The following SPNS1 variants were observed in gnomAD, a reference collection of about 807,000 sequenced individuals.
SPNS1 encodes the protein protein spinster homolog 1.
In SPNS1, 22 loss-of-function variants were observed where a neutral mutation model predicts 50.3. The ratio of observed to expected loss-of-function variants is 0.44; its 90% confidence interval spans 0.31 to 0.62. The LOEUF is 0.62. Ranked by LOEUF, SPNS1 falls within the 20% of genes least tolerant of loss-of-function variation. The pLI is 0.07. For missense variants in SPNS1, 576 were observed against 728.6 expected (o/e 0.79, Z 2.41); for synonymous variants, 295 against 317.4 (o/e 0.93, Z 0.75).
In SPNS1 at chr16:28,975,569, C is replaced by A. The variant is rs1288934732; in HGVS notation, c.307+12C>A. ...GCTCATCCAGACCGGTGAGTGGGGA[C>A]CACTCCTGGTCACACAGCCGCTCCT... On this transcript the variant is annotated intron_variant, in intron 2 of 11. Transcript: ENST00000311008. 1.9e-6 allele frequency: 3 copies of A among 1,613,954 alleles called. No individual in the cohort carries two copies. Among genetic ancestry groups the A allele is most frequent in the African/African-American group, 1.3e-5 (1 of 74,936 alleles).
intron 7 of SPNS1, 130 bp from the exon 8 acceptor site, chr16:28,982,226 A>C (rs1035881192): frequency 1.3e-5 from 18 of 1,356,714 alleles, no homozygotes; most frequent in Non-Finnish European, 1.8e-5. Context: ...GATGTCTGCC[A>C]CTCAGGGCTG....
chr16:28,981,403 C>T lies in SPNS1; in HGVS notation c.664-67C>T. The T allele has an allele frequency of 6.3e-7, 1 of 1,597,542 alleles. No homozygotes were observed. ...AGGCTGGAGTTATCTGTACCCCACA[C>T]TCTCCTCCAGCCCAGGGCTTGAGTG... On this transcript the variant is annotated intron_variant, in intron 5 of 11. Coordinates refer to ENST00000311008, the MANE Select transcript of SPNS1 (RefSeq NM_032038.3). This position sits in a 1 kb window ranked among gnomAD's most constrained non-coding sequence, Gnocchi z 4.2.
rs754200207 is a variant in SPNS1, at chr16:28,979,193, G to A, written c.483G>A (p.Gly161=). 17 of 1,614,148 alleles carry A rather than the reference G, an allele frequency of 1.1e-5. No individual in the cohort carries two copies. The South Asian group carries it at 1.9e-4, about 18-fold the overall frequency. The stretch of plus-strand genomic sequence containing the variant: ...TCCTCCTGACCCGGGGCCTGGTGGG[G>A]GTCGGGGAGGCCAGTTATTCCACCA... The part of the protein sequence containing the change: ...WLLLLTRGLV[G]VGEASYSTIA... Residue 161 remains glycine, a synonymous_variant, in exon 4 of 12, where the codon GGG becomes GGA. Coordinates refer to ENST00000311008, the MANE Select transcript of SPNS1 (RefSeq NM_032038.3).
chr16:28,976,880 TTAAG>T (rs1260911517), intron 2 of SPNS1, among the ~76,000 whole-genome samples: 1 of 152,300 alleles, frequency 6.6e-6, no homozygotes, highest in South Asian at 2.1e-4. Flanking sequence ...AGGCTGTGTG[TTAAG>T]TAAGTGAAAG....
intron 4 of SPNS1, 29 bp downstream of exon 4, chr16:28,979,335 C>T: frequency 6.2e-7 from 1 of 1,613,992 alleles, no homozygotes; most frequent in Non-Finnish European, 8.5e-7. Context: ...TGGGGGAAGG[C>T]AGAAGGGCCT....
intron 2 of SPNS1, among the ~76,000 whole-genome samples, chr16:28,976,940 T>G (rs1368910764): frequency 6.6e-6 from 1 of 152,196 alleles, no homozygotes. Flanking sequence ...CCTTGGGAGC[T>G]GATAGTACGC....
chr16:28,983,778 C>A lies in SPNS1; in HGVS notation c.1321-8C>A. 6.3e-7 allele frequency: 1 copy of A among 1,575,256 alleles called. No homozygotes were observed. Among genetic ancestry groups the A allele is most frequent in the Non-Finnish European group, 8.6e-7 (1 of 1,162,084 alleles). ...CTCCCCTGGCTTTCCTGTCTCCTCT[C>A]CCTGCAGATCTCTGACCGCCTGCGC... is the stretch of plus-strand genomic sequence containing the variant. On this transcript the variant is annotated splice_region_variant and splice_polypyrimidine_tract_variant and intron_variant, in intron 10 of 11. Coordinates refer to ENST00000311008, the MANE Select transcript of SPNS1 (RefSeq NM_032038.3). The surrounding 1 kb of genome is among the most constrained non-coding windows in gnomAD (Gnocchi z 5.4).
Position 28,977,999 on chromosome 16 carries a change from C to A in SPNS1, c.399C>A (p.Ala133=). Residue 133 remains alanine, a synonymous_variant, in exon 3 of 12, where the codon GCC becomes GCA. Coordinates refer to ENST00000311008, the MANE Select transcript of SPNS1 (RefSeq NM_032038.3). ...AGTATCTCATGTGCGGGGGCATTGC[C>A]TTCTGGTCCCTGGTGACACTGGGGT... is the stretch of plus-strand genomic sequence containing the variant. ...NRKYLMCGGI[A]FWSLVTLGSS... The A allele has an allele frequency of 6.2e-7, 1 of 1,613,906 alleles. No individual in the cohort carries two copies. The highest frequency in any genetic ancestry group is 8.5e-7 in the Non-Finnish European group (1 of 1,179,910).
At chr16:28,976,230 C>T (rs1249189114) in intron 2 of SPNS1, among the ~76,000 whole-genome samples, 1 of 152,248 alleles carries the variant, frequency 6.6e-6, no homozygotes, top group East Asian at 1.9e-4. Context: ...CGAGATCGCA[C>T]CACTGCACTC....
chr16:28,979,794 A>G (rs780256645), intron 5 of SPNS1: 28 of 298,586 alleles, frequency 9.4e-5, no homozygotes, highest in Non-Finnish European at 1.8e-4. Context: ...AGGCTGAGGC[A>G]GGTGGATCAC....
Position 28,983,846 on chromosome 16 carries a change from C to A in SPNS1, c.1381C>A (p.Gln461Lys). Residue 461 changes from glutamine to lysine, a missense_variant, in exon 11 of 12, where the codon CAG becomes AAG. By Grantham distance (53) the Gln-to-Lys change is moderately conservative (BLOSUM62 1). Around this residue, in one of 3 missense-constraint regions of SPNS1, gnomAD observed 428 missense variants for 520.1 expected, o/e 0.82. Transcript: ENST00000311008. The surrounding 1 kb of genome is among the most constrained non-coding windows in gnomAD (Gnocchi z 5.4). ...PSFLSEFRAL[Q>K]FSLMLCAFVG... Reference sequence around the variant, plus strand: ...CTTCTTGTCCGAGTTCCGGGCTCTGCAGTTCTCGCTCATGCTCTGCGCGTT... The same window carrying A: ...CTTCTTGTCCGAGTTCCGGGCTCTGAAGTTCTCGCTCATGCTCTGCGCGTT... 13 of 1,604,654 alleles carry A rather than the reference C, an allele frequency of 8.1e-6. No homozygotes were observed. The highest frequency in any genetic ancestry group is 1.1e-5 in the Non-Finnish European group (13 of 1,179,210).
chr16:28,981,541 C>T lies in SPNS1; in HGVS notation c.735C>T (p.Ala245=), dbSNP rs751386561. The change falls in exon 6 of 12, where the codon GCC becomes GCT. Residue 245 remains alanine (A), a synonymous_variant. Coordinates refer to ENST00000311008, the MANE Select transcript of SPNS1 (RefSeq NM_032038.3). This position sits in a 1 kb window ranked among gnomAD's most constrained non-coding sequence, Gnocchi z 4.2. ...TAGTGCGGGAGCCGCCAAGGGGAGC[C>T]GTGGAGCGCCACTCAGATTTGCCAC... ...FLVVREPPRG[A]VERHSDLPPL... 5.6e-6 allele frequency: 9 copies of T among 1,614,128 alleles called. No individual in the cohort carries two copies. Among genetic ancestry groups the T allele is most frequent in the African/African-American group, 1.3e-5 (1 of 75,036 alleles).
chr16:28,977,607 TG>T (rs1410984495), intron 2 of SPNS1, among the ~76,000 whole-genome samples: 4 of 152,154 alleles, frequency 2.6e-5, no homozygotes. Context: ...GGGCCTAGAT[TG>T]GACAGGGGCA....
Position 28,983,695 on chromosome 16 carries a change from C to T in SPNS1, c.1321-91C>T, listed in dbSNP as rs1965641727. The T allele has an allele frequency of 1.4e-6, 2 of 1,409,236 alleles. No individual in the cohort carries two copies. Among genetic ancestry groups the T allele is most frequent in the Non-Finnish European group, 1.9e-6 (2 of 1,052,260 alleles). 87.3% of individuals were successfully genotyped at this position (1,409,236 alleles called of 1,614,324 possible). A position where few individuals can be genotyped will look rare whatever the true frequency, so the allele number is the denominator to read the frequency against. The stretch of plus-strand genomic sequence containing the variant: ...ACCTCCTTCCCTTTCCTGGGCTCCA[C>T]TTGTCTTTCTCCCTGGAGCTCAGGG... On this transcript the variant is annotated intron_variant, in intron 10 of 11. Coordinates refer to ENST00000311008, the MANE Select transcript of SPNS1 (RefSeq NM_032038.3). This position sits in a 1 kb window ranked among gnomAD's most constrained non-coding sequence, Gnocchi z 5.4.
In SPNS1 at chr16:28,983,664, G is replaced by A; in HGVS notation, c.1321-122G>A. The A allele has an allele frequency of 8.3e-7, 1 of 1,211,620 alleles. No homozygotes were observed. The highest frequency in any genetic ancestry group is 1.5e-5 in the South Asian group (1 of 67,430). 75.1% of individuals were successfully genotyped at this position (1,211,620 alleles called of 1,614,324 possible). A position where few individuals can be genotyped will look rare whatever the true frequency, so the allele number is the denominator to read the frequency against. On this transcript the variant is annotated intron_variant, in intron 10 of 11. Coordinates refer to ENST00000311008, the MANE Select transcript of SPNS1 (RefSeq NM_032038.3). This position sits in a 1 kb window ranked among gnomAD's most constrained non-coding sequence, Gnocchi z 5.4. ...TGATAGGCATGAGCCACTGCATCTA[G>A]CTCAAACCTCCTTCCCTTTCCTGGG...
intron 8 of SPNS1, 112 bp downstream of exon 8, chr16:28,982,657 TTCC>T: frequency 7.5e-7 from 1 of 1,334,420 alleles, no homozygotes; most frequent in East Asian, 2.3e-5. Flanking sequence ...GCTCTGGCTC[TTCC>T]CAGCTGTGTG....
chr16:28,978,602 T>C (rs1186810608), intron 3 of SPNS1: 1 of 158,936 alleles, frequency 6.3e-6, no homozygotes, highest in Non-Finnish European at 1.4e-5. Context: ...TTCCTGAAAC[T>C]CTCTCCTACC....
In SPNS1 at chr16:28,982,911, G is replaced by T; in HGVS notation, c.1210G>T (p.Asp404Tyr). ...LLSMNWAIVADILLYVVIPTR... is the reference protein window; with the variant it reads ...LLSMNWAIVAYILLYVVIPTR... ...GTCCATGAACTGGGCCATCGTGGCC[G>T]ACATTCTGCTGGTGAGTTGCTGGGC... Residue 404 changes from aspartate (D) to tyrosine (Y), a missense_variant, in exon 9 of 12, where the codon GAC becomes TAC. Physicochemically the swap from Asp to Tyr is radical, Grantham distance 160. This residue lies in a region of SPNS1 where 428 missense variants were observed against 520.1 expected (regional missense o/e 0.82). Transcript: ENST00000311008. 1 of 1,613,840 alleles carries T rather than the reference G, an allele frequency of 6.2e-7. No homozygotes were observed. The highest frequency in any genetic ancestry group is 8.5e-7 in the Non-Finnish European group (1 of 1,179,996).
chr16:28,982,301 T>G, intron 7 of SPNS1, 55 bp from the exon 8 acceptor site: 1 of 1,516,740 alleles, frequency 6.6e-7, no homozygotes, highest in Non-Finnish European at 8.9e-7. Flanking sequence ...ATGGACAGCG[T>G]AGGGGCCTTG....
Sources: gnomAD v4.1 joint callset for allele counts (sites outside exome capture counted in the v4.1 genomes callset) on GRCh38, gnomAD v4.1.1 for gene constraint, gnomAD v4.1.1 regional missense constraint, Gnocchi (gnomAD v3.1) non-coding constraint, MANE v1.5 for transcripts, NCBI Gene and HGNC (gene_info 2026-07-23, HGNC 2026-07-21) for gene names.